The following TOM1 variants were observed in gnomAD, a reference collection of about 807,000 sequenced individuals.
TOM1 encodes target of Myb protein 1.
A neutral mutation model predicts 61.3 loss-of-function variants in TOM1; 38 were observed. The observed-to-expected ratio is 0.62, with a 90% CI of 0.48 to 0.81. TOM1 has a LOEUF of 0.81. Among genes scored for constraint, TOM1 ranks in the 40% least tolerant of loss-of-function variants. The pLI is 0.00. For synonymous variants in TOM1, 270 were observed against 268.8 expected, an observed-to-expected ratio of 1.00 and a Z score of -0.04; for missense variants, 591 against 659.6, an observed-to-expected ratio of 0.90 and a Z score of 1.14.
chr22:35,346,589 T>G (rs550731935), intron 13 of TOM1, among the ~76,000 whole-genome samples: 68 of 152,138 alleles, frequency 4.5e-4, no homozygotes, highest in Non-Finnish European at 8.7e-4. Flanking sequence ...CCAGCACTCA[T>G]CAAGGTCCCA....
intron 12 of TOM1, among the ~76,000 whole-genome samples, chr22:35,342,602 C>T (rs994442216): frequency 2.1e-4 from 32 of 151,884 alleles, no homozygotes; most frequent in Non-Finnish European, 4.4e-5. Flanking sequence ...TTGCTGTCAG[C>T]TCTGCCTCAG....
chr22:35,308,108 G>A (rs1313858479), intron 1 of TOM1, among the ~76,000 whole-genome samples: 1 of 152,132 alleles, frequency 6.6e-6, no homozygotes, highest in African/African-American at 2.4e-5. Context: ...CACTTGGACA[G>A]CATCTGTTTC....
chr22:35,346,379 C>T (rs564921904), intron 13 of TOM1, among the ~76,000 whole-genome samples: 75 of 152,366 alleles, frequency 4.9e-4, no homozygotes, highest in Non-Finnish European at 8.2e-4. Flanking sequence ...GCCCAGAAGC[C>T]GCCTTCTGCA....
At chr22:35,346,732 G>A (rs899409051) in intron 13 of TOM1, among the ~76,000 whole-genome samples, 198 bp from the exon 14 acceptor site, 13 of 152,156 alleles carry the variant, frequency 8.5e-5, no homozygotes, top group South Asian at 4.1e-4. Context: ...AGGAAGTCAG[G>A]TGCCACCCAA....
chr22:35,334,620 T>C (rs565173748), intron 11 of TOM1, among the ~76,000 whole-genome samples, 172 bp downstream of exon 11: 6 of 152,266 alleles, frequency 3.9e-5, no homozygotes, highest in African/African-American at 1.4e-4. Flanking sequence ...CTGTGGTCAG[T>C]TGACAGACTG....
At chr22:35,332,731 C>T (rs1928949313) in intron 8 of TOM1, among the ~76,000 whole-genome samples, 1 of 152,180 alleles carries the variant, frequency 6.6e-6, no homozygotes. Flanking sequence ...TCATGCTACT[C>T]ATGACTAAGG....
chr22:35,310,410 G>T (rs1308773739), intron 1 of TOM1, among the ~76,000 whole-genome samples: 1 of 152,228 alleles, frequency 6.6e-6, no homozygotes, highest in East Asian at 1.9e-4. Context: ...AAAATTAGCT[G>T]GGCATGGTGG....
rs1210503080 is a variant in TOM1, at chr22:35,347,304, G to C, written c.*95G>C. 2.2e-6 allele frequency: 3 copies of C among 1,377,212 alleles called. No individual in the cohort carries two copies. Among genetic ancestry groups the C allele is most frequent in the Non-Finnish European group, 2.9e-6 (3 of 1,025,822 alleles). The allele number at this position is 1,377,212 out of a possible 1,614,324, so 85.3% of individuals were successfully genotyped here. On this transcript the variant is annotated 3_prime_UTR_variant, in exon 15 of 15. Transcript: ENST00000449058. ...CTCCTCTGGTGTTAAGGCTGCTTTG[G>C]GGGTGGCTTGTTACCCCCTTTTCCT...
At chr22:35,340,404 A>C (rs1337665827) in intron 12 of TOM1, among the ~76,000 whole-genome samples, 2 of 152,144 alleles carry the variant, frequency 1.3e-5, no homozygotes, top group Non-Finnish European at 2.9e-5. Flanking sequence ...GGAAGTCTTG[A>C]GCACAGGAGG....
intron 1 of TOM1, among the ~76,000 whole-genome samples, chr22:35,316,229 G>GTC (rs1042620758): frequency 3.3e-5 from 5 of 152,244 alleles, no homozygotes; most frequent in African/African-American, 1.2e-4. Flanking sequence ...TCAGAACAGG[G>GTC]TCTCACCCTT....
intron 1 of TOM1, among the ~76,000 whole-genome samples, chr22:35,308,224 G>A (rs1476657783): frequency 2.0e-5 from 3 of 151,270 alleles, no homozygotes; most frequent in Non-Finnish European, 4.4e-5. Flanking sequence ...CTGTGTGTGT[G>A]TGTGTGTCTG....
chr22:35,345,443 G>A, intron 12 of TOM1: 1 of 533,358 alleles, frequency 1.9e-6, no homozygotes, highest in East Asian at 3.2e-5. Flanking sequence ...CTACCCGAAG[G>A]GTGTGTCGGA....
Position 35,318,198 on chromosome 22 carries a change from C to T in TOM1, c.137+237C>T, listed in dbSNP as rs185145659. 10 of 574,292 alleles carry T rather than the reference C, an allele frequency of 1.7e-5. No individual in the cohort carries two copies. The African/African-American group carries it at 1.9e-4, about 11-fold the overall frequency. The allele number at this position is 574,292 out of a possible 1,614,324, so 35.6% of individuals were successfully genotyped here. On this transcript the variant is annotated intron_variant, in intron 2 of 14. Coordinates refer to ENST00000449058, the MANE Select transcript of TOM1 (RefSeq NM_005488.3). ...CACCCCACCCCGCCTCTCTTAGTGG[C>T]AGCCCAGATTCCACACGGATCTGGA...
chr22:35,343,672 T>C (rs111165355), intron 12 of TOM1, among the ~76,000 whole-genome samples: 67 of 55,490 alleles, frequency 1.2e-3, no homozygotes, highest in Middle Eastern at 0.016. Context: ...ACACACACCC[T>C]TACACACACC....
At chr22:35,342,234 G>C (rs551916982) in intron 12 of TOM1, among the ~76,000 whole-genome samples, 22 of 152,180 alleles carry the variant, frequency 1.4e-4, no homozygotes, top group Admixed American at 1.3e-4. Flanking sequence ...GTGACGAGGT[G>C]GTATTGCATG....
intron 1 of TOM1, among the ~76,000 whole-genome samples, chr22:35,312,120 C>T (rs1926883443): frequency 1.3e-5 from 2 of 152,010 alleles, no homozygotes; most frequent in African/African-American, 4.8e-5. Context: ...AGGCGGGCGC[C>T]TGTAATCCCA....
chr22:35,319,418 AG>A (rs1927581426), intron 2 of TOM1, among the ~76,000 whole-genome samples: 1 of 152,198 alleles, frequency 6.6e-6, no homozygotes, highest in African/African-American at 2.4e-5. Context: ...TCGTTGCTAA[AG>A]TGTCTCCCCC....
intron 2 of TOM1, 148 bp from the exon 3 acceptor site, chr22:35,321,811 C>T: frequency 2.6e-6 from 2 of 778,090 alleles, no homozygotes; most frequent in Non-Finnish European, 2.3e-6. Flanking sequence ...TAGGAAGATT[C>T]TGATGTGATC....
At chr22:35,333,339 C>A in intron 9 of TOM1, 65 bp from the exon 10 acceptor site, 1 of 1,460,824 alleles carries the variant, frequency 6.8e-7, no homozygotes, top group Non-Finnish European at 9.6e-7. Context: ...AGCCACAGTG[C>A]TTGGGGCAGA....
Sources: allele counts gnomAD v4.1 joint callset (sites outside exome capture counted in the v4.1 genomes callset), GRCh38; gene constraint gnomAD v4.1.1; transcripts MANE v1.5; gene names NCBI Gene and HGNC (gene_info 2026-07-23, HGNC 2026-07-21).